The following ROBO1 variants were observed in gnomAD, a reference collection of about 807,000 sequenced individuals.
ROBO1 encodes roundabout guidance receptor 1.
ROBO1 carries 149 observed loss-of-function variants against 195.9 expected under a neutral mutation model. The ratio of observed to expected loss-of-function variants is 0.76; its 90% CI spans 0.67 to 0.87. The LOEUF (loss-of-function observed/expected upper bound fraction) is 0.87. Among genes scored for constraint, ROBO1 ranks in the 40% least tolerant of loss-of-function variants. The pLI, the probability that ROBO1 is intolerant of heterozygous loss-of-function variation, is 0.00. For synonymous variants in ROBO1, 816 were observed against 733.2 expected, an observed-to-expected ratio of 1.11 and a Z score of -1.82; for missense variants, 1,933 against 2,068.3, an observed-to-expected ratio of 0.93 and a Z score of 1.27.
Position 79,559,761 on chromosome 3 carries a change from A to G in ROBO1, c.88+30063T>C, listed in dbSNP as rs369120636. Among the ~76,000 whole-genome samples the G allele has an allele frequency of 2.6e-5, 4 of 152,232 alleles. No homozygotes were observed. The South Asian group carries it at 6.2e-4, about 24-fold the overall frequency. ...GTGAAACCCCGTCTCTACTAAAAAC[A>G]CAAAAATTAGCTGGGCGTGGTGGTG... On this transcript the variant is annotated intron_variant, in intron 2 of 30. Coordinates refer to ENST00000464233, the MANE Select transcript of ROBO1 (RefSeq NM_002941.4).
chr3:79,495,590 G>T (rs960302797), intron 2 of ROBO1, among the ~76,000 whole-genome samples: 2 of 152,210 alleles, frequency 1.3e-5, no homozygotes, highest in Non-Finnish European at 2.9e-5. Context: ...AAGACATAAG[G>T]GGGAAGTGTT....
rs141828278 is a variant in ROBO1 at position 79,035,301 on chromosome 3, C to T, written c.172+90155G>A. ...TCCTATTTTTGCAGTAGGCAGCAGG[C>T]GCTATTCATAAGTAACTCCCTCAGG... is the stretch of plus-strand genomic sequence containing the variant. On this transcript the variant is annotated intron_variant, in intron 3 of 30. Coordinates refer to ENST00000464233, the MANE Select transcript of ROBO1 (RefSeq NM_002941.4). Among the ~76,000 whole-genome samples, 1,027 of 152,192 alleles carry T rather than the reference C, an allele frequency of 6.7e-3. 5 individuals are homozygous for T. The highest frequency in any genetic ancestry group is 0.011 in the Non-Finnish European group (719 of 68,002).
At chr3:79,650,120 T>C (rs1436160764) in intron 1 of ROBO1, among the ~76,000 whole-genome samples, 1 of 151,254 alleles carries the variant, frequency 6.6e-6, no homozygotes. Context: ...AAAGAAAAAA[T>C]AGAGAGGATA....
chr3:79,026,404 G>T (rs771134886), intron 3 of ROBO1, among the ~76,000 whole-genome samples: 1 of 151,924 alleles, frequency 6.6e-6, no homozygotes, highest in African/African-American at 2.4e-5. Flanking sequence ...TGTATGTTTT[G>T]GTTTTTGTGT....
intron 4 of ROBO1, among the ~76,000 whole-genome samples, chr3:78,781,067 G>T (rs2083662490): frequency 6.6e-6 from 1 of 151,952 alleles, no homozygotes; most frequent in Non-Finnish European, 1.5e-5. Flanking sequence ...TCATATAGTT[G>T]AACCCTAAAT....
intron 1 of ROBO1, among the ~76,000 whole-genome samples, chr3:79,738,914 A>G (rs1165312567): frequency 6.6e-6 from 1 of 152,188 alleles, no homozygotes; most frequent in Non-Finnish European, 1.5e-5. Flanking sequence ...CATATTATAG[A>G]ATGATGTGCC....
At chr3:79,687,754 A>G (rs1180760254) in intron 1 of ROBO1, among the ~76,000 whole-genome samples, 2 of 152,138 alleles carry the variant, frequency 1.3e-5, no homozygotes, top group East Asian at 3.9e-4. Context: ...AAATAGGAAC[A>G]CTTTTACACT....
At chr3:79,504,859 A>C (rs915255165) in intron 2 of ROBO1, among the ~76,000 whole-genome samples, 1 of 151,970 alleles carries the variant, frequency 6.6e-6, no homozygotes. Flanking sequence ...GTATCTTTCT[A>C]TGTGTGTCTG....
chr3:79,504,067 T>C (rs1940262899), intron 2 of ROBO1, among the ~76,000 whole-genome samples: 1 of 152,170 alleles, frequency 6.6e-6, no homozygotes, highest in South Asian at 2.1e-4. Flanking sequence ...ATTCTCAATC[T>C]TGGCCATATT....
At chr3:78,957,642 G>A (rs992467092) in intron 3 of ROBO1, among the ~76,000 whole-genome samples, 5 of 152,134 alleles carry the variant, frequency 3.3e-5, no homozygotes, top group African/African-American at 7.2e-5. Flanking sequence ...ACCCTGAGGC[G>A]CATAGCTGCT....
At chr3:79,412,237 T>C (rs1205260581) in intron 2 of ROBO1, among the ~76,000 whole-genome samples, 1 of 152,164 alleles carries the variant, frequency 6.6e-6, no homozygotes, top group East Asian at 1.9e-4. Flanking sequence ...TTAGAAGAGA[T>C]GTAATAGCTT....
At chr3:79,363,534 T>C (rs909183655) in intron 2 of ROBO1, among the ~76,000 whole-genome samples, 1 of 152,228 alleles carries the variant, frequency 6.6e-6, no homozygotes, top group Non-Finnish European at 1.5e-5. Flanking sequence ...TCTTTCAACA[T>C]ATTTTTCCTG....
rs564873522 is a variant in ROBO1 at position 78,661,253 on chromosome 3, T to C, written c.2097A>G (p.Gln699=). ...TATATCCTTGTATATACTGAGACTG[T>C]TGATCTACCTATTAAAAAGACAAGT... is the stretch of plus-strand genomic sequence containing the variant. ...SSIEVHWTVD[Q]QSQYIQGYKI... Residue 699 remains glutamine (Q), a synonymous_variant, in exon 16 of 31, where the codon CAA becomes CAG. Coordinates refer to ENST00000464233, the MANE Select transcript of ROBO1 (RefSeq NM_002941.4). 1.3e-6 allele frequency: 2 copies of C among 1,530,090 alleles called. No homozygotes were observed. The highest frequency in any genetic ancestry group is 1.3e-5 in the South Asian group (1 of 79,128). 94.8% of individuals were successfully genotyped at this position (1,530,090 alleles called of 1,614,324 possible). A position where few individuals can be genotyped will look rare whatever the true frequency, so the allele number is the denominator to read the frequency against.
intron 2 of ROBO1, among the ~76,000 whole-genome samples, chr3:79,298,652 A>C (rs2032724884): frequency 6.6e-6 from 1 of 152,156 alleles, no homozygotes; most frequent in Non-Finnish European, 1.5e-5. Flanking sequence ...CAGTCCATAA[A>C]GTTGTTTTGG....
intron 2 of ROBO1, among the ~76,000 whole-genome samples, chr3:79,261,429 ATG>A (rs1267827538): frequency 2.0e-5 from 3 of 152,222 alleles, no homozygotes; most frequent in African/African-American, 7.2e-5. Flanking sequence ...GAGTATAGAA[ATG>A]AAAAATGTTT....
chr3:79,525,092 C>T (rs189424021), intron 2 of ROBO1, among the ~76,000 whole-genome samples: 1 of 151,694 alleles, frequency 6.6e-6, no homozygotes, highest in Non-Finnish European at 1.5e-5. Context: ...TATATTCTCC[C>T]TTCCATTCCA....
In ROBO1 at chr3:79,349,727, T is replaced by C. The variant is rs531475952; in HGVS notation, c.89-224188A>G. Among the ~76,000 whole-genome samples the C allele has an allele frequency of 7.2e-5, 11 of 152,286 alleles. No homozygotes were observed. In the East Asian group the frequency reaches 1.9e-3, roughly 27 times the overall value. The stretch of plus-strand genomic sequence containing the variant: ...TATTCAATGGGCAAATAATAATCTT[T>C]TCAACAAATGGTTCAGGGACAACTG... On this transcript the variant is annotated intron_variant, in intron 2 of 30. Coordinates refer to ENST00000464233, the MANE Select transcript of ROBO1 (RefSeq NM_002941.4).
chr3:79,567,847 AGAG>A (rs1488095669), intron 2 of ROBO1, among the ~76,000 whole-genome samples: 2 of 152,168 alleles, frequency 1.3e-5, no homozygotes, highest in Admixed American at 6.6e-5. Flanking sequence ...AGTTCTCACA[AGAG>A]AAGACATTTG....
chr3:79,564,342 C>G (rs569360719), intron 2 of ROBO1, among the ~76,000 whole-genome samples: 16 of 152,142 alleles, frequency 1.1e-4, no homozygotes, highest in Non-Finnish European at 1.8e-4. Flanking sequence ...TGCTTCACTG[C>G]ACTGCATGAT....
Sources: gnomAD v4.1 joint callset for allele counts (sites outside exome capture counted in the v4.1 genomes callset) on GRCh38, gnomAD v4.1.1 for gene constraint, MANE v1.5 for transcripts, NCBI Gene and HGNC (gene_info 2026-07-23, HGNC 2026-07-21) for gene names.